PDE6B: variants seen among roughly 807,000 people sequenced by gnomAD.
PDE6B encodes rod cGMP-specific 3',5'-cyclic phosphodiesterase subunit beta.
Under a neutral mutation model 109.0 loss-of-function variants are expected in PDE6B, and 106 were observed. The observed-to-expected ratio is 0.97, with a 90% CI of 0.83 to 1.14. The LOEUF (loss-of-function observed/expected upper bound fraction) is 1.14, where lower values mean the gene tolerates loss of function less well. PDE6B is among the 50% of genes most tolerant of loss of function. PDE6B has a pLI of 0.00. For missense variants in PDE6B, 1,193 were observed against 1,155.6 expected (o/e 1.03, Z -0.47); for synonymous variants, 490 against 471.3 (o/e 1.04, Z -0.51).
chr4:663,814 C>T lies in PDE6B; in HGVS notation c.1965C>T (p.His655=), dbSNP rs2109262734. The T allele has an allele frequency of 3.7e-6, 6 of 1,612,298 alleles. No individual in the cohort carries two copies. Among genetic ancestry groups the T allele is most frequent in the South Asian group, 1.1e-5 (1 of 91,080 alleles). Residue 655 remains histidine (H), a synonymous_variant, in exon 16 of 22, where the codon CAC becomes CAT. Transcript: ENST00000496514. This position sits in a 1 kb window ranked among gnomAD's most constrained non-coding sequence, Gnocchi z 4.0. ...ACCTGAACCGGCGGCAGCACGAGCA[C>T]GTGATCCACCTGATGGACATCGCCA... ...YQNLNRRQHE[H]VIHLMDIAII...
At position 626,146 on chromosome 4, in the gene PDE6B, G is replaced by A; in HGVS notation, c.468+52G>A. On this transcript the variant is annotated intron_variant, in intron 1 of 21. Coordinates refer to ENST00000496514, the MANE Select transcript of PDE6B (RefSeq NM_000283.4). This position sits in a 1 kb window ranked among gnomAD's most constrained non-coding sequence, Gnocchi z 4.6. Reference sequence around the variant, plus strand: ...GCGGCTGTGTGCATCTCTTGCACCTGTCCCAGGTGTCTAAGGGTCAGCTCG... The same window carrying A: ...GCGGCTGTGTGCATCTCTTGCACCTATCCCAGGTGTCTAAGGGTCAGCTCG... The A allele has an allele frequency of 9.0e-7, 1 of 1,106,438 alleles. No homozygotes were observed. Among genetic ancestry groups the A allele is most frequent in the Non-Finnish European group, 1.3e-6 (1 of 747,798 alleles). The allele number at this position is 1,106,438 out of a possible 1,614,324, so 68.5% of individuals were successfully genotyped here.
At chr4:638,670 T>C (rs1191884553) in intron 3 of PDE6B, among the ~76,000 whole-genome samples, 3 of 152,212 alleles carry the variant, frequency 2.0e-5, no homozygotes, top group Non-Finnish European at 4.4e-5. Flanking sequence ...CAGATATGTT[T>C]GCTTTGAGAG....
chr4:663,668 G>A lies in PDE6B; in HGVS notation c.1921-102G>A. 1 of 823,012 alleles carries A rather than the reference G, an allele frequency of 1.2e-6. No individual in the cohort carries two copies. The highest frequency in any genetic ancestry group is 2.0e-5 in the Admixed American group (1 of 51,142). The allele number at this position is 823,012 out of a possible 1,614,324, so 51.0% of individuals were successfully genotyped here. A position where few individuals can be genotyped will look rare whatever the true frequency, so the allele number is the denominator to read the frequency against. The stretch of plus-strand genomic sequence containing the variant: ...CCGCCCACCGAGGGCCCGAGGGCGG[G>A]GGCGTGAGAGGCACAGGCAGCCGAG... On this transcript the variant is annotated intron_variant, in intron 15 of 21. Transcript: ENST00000496514. The surrounding 1 kb of genome is among the most constrained non-coding windows in gnomAD (Gnocchi z 4.0).
At chr4:668,030 G>C in intron 21 of PDE6B, 24 bp downstream of exon 21, 4 of 1,605,760 alleles carry the variant, frequency 2.5e-6, no homozygotes, top group Non-Finnish European at 3.4e-6. Flanking sequence ...TGGCCTGTGG[G>C]GCAGGGACTC....
At chr4:639,334 G>T (rs950754876) in intron 3 of PDE6B, among the ~76,000 whole-genome samples, 1 of 151,940 alleles carries the variant, frequency 6.6e-6, no homozygotes, top group African/African-American at 2.4e-5. Context: ...TAGAGACAGG[G>T]TCTTGCTGTG....
chr4:629,721 C>T (rs1306038731), intron 1 of PDE6B, among the ~76,000 whole-genome samples: 1 of 152,066 alleles, frequency 6.6e-6, no homozygotes, highest in Non-Finnish European at 1.5e-5. Flanking sequence ...GGTGGGAATC[C>T]GGAGATAGAG....
At chr4:667,723 GC>G (rs1737957260) in intron 20 of PDE6B, 132 bp from the exon 21 acceptor site, 1 of 906,264 alleles carries the variant, frequency 1.1e-6, no homozygotes. Context: ...CTGGGAAGGT[GC>G]CCCCTCCGTG....
At position 625,813 on chromosome 4, in the gene PDE6B, G is replaced by A; in HGVS notation, c.187G>A (p.Val63Met). Residue 63 changes from valine (V) to methionine (M), a missense_variant, in exon 1 of 22, where the codon GTG becomes ATG. Coordinates refer to ENST00000496514, the MANE Select transcript of PDE6B (RefSeq NM_000283.4). This position sits in a 1 kb window ranked among gnomAD's most constrained non-coding sequence, Gnocchi z 5.0. ...VEESTALLEL[V>M]QDMQESINME... ...GGAGAGCACGGCGCTGCTGGAGCTG[G>A]TGCAGGATATGCAGGAGAGCATCAA... is the stretch of plus-strand genomic sequence containing the variant. 6.2e-7 allele frequency: 1 copy of A among 1,613,276 alleles called. No homozygotes were observed. The highest frequency in any genetic ancestry group is 1.3e-5 in the African/African-American group (1 of 75,062).
intron 6 of PDE6B, chr4:655,168 C>T: frequency 3.8e-6 from 2 of 527,858 alleles, no homozygotes; most frequent in Admixed American, 3.2e-5. Flanking sequence ...GGGGACCAGG[C>T]AAGCTGTCCA....
intron 3 of PDE6B, among the ~76,000 whole-genome samples, chr4:639,040 A>G (rs1255161211): frequency 6.6e-6 from 1 of 152,176 alleles, no homozygotes; most frequent in East Asian, 1.9e-4. Context: ...TGGAAGCACA[A>G]ATTCAGTCCA....
chr4:657,253 C>T, intron 9 of PDE6B, 98 bp from the exon 10 acceptor site: 1 of 1,428,702 alleles, frequency 7.0e-7, no homozygotes, highest in South Asian at 1.2e-5. Flanking sequence ...GTGGCAGCCC[C>T]AGGACCTGCC....
At chr4:634,415 T>A (rs886101863) in intron 1 of PDE6B, among the ~76,000 whole-genome samples, 1 of 152,128 alleles carries the variant, frequency 6.6e-6, no homozygotes, top group Non-Finnish European at 1.5e-5. Flanking sequence ...GGGCCCCCCA[T>A]GAGGCCTGTC....
At position 659,438 on chromosome 4, in the gene PDE6B, C is replaced by T. The variant is rs533264545; in HGVS notation, c.1467+421C>T. On this transcript the variant is annotated intron_variant, in intron 11 of 21. Transcript: ENST00000496514. ...GTGTGTGTGCATCCGCATGTGTGCA[C>T]GCACATGGGTGTCTGTGTGCATGTG... Among the ~76,000 whole-genome samples, 23 of 152,286 alleles carry T rather than the reference C, an allele frequency of 1.5e-4. 1 individual carries two copies. The highest frequency in any genetic ancestry group is 3.6e-4 in the African/African-American group (15 of 41,554).
chr4:666,075 G>C lies in PDE6B; in HGVS notation c.2269-456G>C, dbSNP rs1485302225. 1.3e-5 allele frequency among the ~76,000 whole-genome samples: 2 copies of C among 152,172 alleles called. No individual in the cohort carries two copies. The highest frequency in any genetic ancestry group is 3.8e-4 in the East Asian group (2 of 5,198). ...TCCACCAGGACGCTGTGAGGGGACGGACAGCCCAGGGCACTCGGGGTCTGA... is the reference window on the plus strand; with the variant it reads ...TCCACCAGGACGCTGTGAGGGGACGCACAGCCCAGGGCACTCGGGGTCTGA... On this transcript the variant is annotated intron_variant, in intron 19 of 21. Transcript: ENST00000496514. This position sits in a 1 kb window ranked among gnomAD's most constrained non-coding sequence, Gnocchi z 5.6.
At position 662,397 on chromosome 4, in the gene PDE6B, G is replaced by A; in HGVS notation, c.1723-112G>A. 1.2e-6 allele frequency: 1 copy of A among 851,154 alleles called. No homozygotes were observed. Among genetic ancestry groups the A allele is most frequent in the Non-Finnish European group, 2.0e-6 (1 of 505,286 alleles). The allele number at this position is 851,154 out of a possible 1,614,324, so 52.7% of individuals were successfully genotyped here. ...ACCGTGCACCGCGCACCCCAGCCCT[G>A]CGGTGGTCGGAGGTCCAACCTCCAA... On this transcript the variant is annotated intron_variant, in intron 13 of 21. Transcript: ENST00000496514. The surrounding 1 kb of genome is among the most constrained non-coding windows in gnomAD (Gnocchi z 4.3).
At chr4:659,586 CATGTGGGTATGTGTGTGCGT>C (rs1267001620) in intron 11 of PDE6B, among the ~76,000 whole-genome samples, 4 of 150,342 alleles carry the variant, frequency 2.7e-5, no homozygotes, top group African/African-American at 9.9e-5. Flanking sequence ...TGTGTGTGCA[CATGTGGGTATGTGTGTGCGT>C]GTGTGCATTG....
rs754566983 is a variant in PDE6B, at chr4:663,226, G to C, written c.1920+39G>C. On this transcript the variant is annotated intron_variant, in intron 15 of 21. Coordinates refer to ENST00000496514, the MANE Select transcript of PDE6B (RefSeq NM_000283.4). The surrounding 1 kb of genome is among the most constrained non-coding windows in gnomAD (Gnocchi z 4.0). The stretch of plus-strand genomic sequence containing the variant: ...CCCTCGGTTTCTGCTGTGGGCGCTG[G>C]GGACGCAGCGTCCGCAGGACGGCAG... The C allele has an allele frequency of 1.8e-6, 2 of 1,128,286 alleles. No homozygotes were observed. The highest frequency in any genetic ancestry group is 1.7e-5 in the Admixed American group (1 of 59,420). The allele number at this position is 1,128,286 out of a possible 1,614,324, so 69.9% of individuals were successfully genotyped here.
At position 663,999 on chromosome 4, in the gene PDE6B, C is replaced by G; in HGVS notation, c.2022-115C>G. 9.0e-7 allele frequency: 1 copy of G among 1,114,470 alleles called. No homozygotes were observed. Among genetic ancestry groups the G allele is most frequent in the Non-Finnish European group, 1.4e-6 (1 of 731,568 alleles). 69.0% of individuals were successfully genotyped at this position (1,114,470 alleles called of 1,614,324 possible). A position where few individuals can be genotyped will look rare whatever the true frequency, so the allele number is the denominator to read the frequency against. Reference sequence around the variant, plus strand: ...CCGGATTCCGTCCCTGCCCGCCGGCCCCGCGCACCCCGGATGGGGCCTCGC... The same window carrying G: ...CCGGATTCCGTCCCTGCCCGCCGGCGCCGCGCACCCCGGATGGGGCCTCGC... On this transcript the variant is annotated intron_variant, in intron 16 of 21. Coordinates refer to ENST00000496514, the MANE Select transcript of PDE6B (RefSeq NM_000283.4). This position sits in a 1 kb window ranked among gnomAD's most constrained non-coding sequence, Gnocchi z 4.0.
Position 663,888 on chromosome 4 carries a change from G to T in PDE6B, c.2021+18G>T. The T allele has an allele frequency of 6.3e-7, 1 of 1,577,204 alleles. No individual in the cohort carries two copies. The highest frequency in any genetic ancestry group is 8.7e-7 in the Non-Finnish European group (1 of 1,153,550). On this transcript the variant is annotated intron_variant, in intron 16 of 21. Coordinates refer to ENST00000496514, the MANE Select transcript of PDE6B (RefSeq NM_000283.4). This position sits in a 1 kb window ranked among gnomAD's most constrained non-coding sequence, Gnocchi z 4.0. ...TACTTCAAGTGCGCGCCTTCCGGGA[G>T]GGGGCGCCTCGCGGGGCGGGCGGGT...
Sources: gnomAD v4.1 joint callset for allele counts (sites outside exome capture counted in the v4.1 genomes callset) on GRCh38, gnomAD v4.1.1 for gene constraint, Gnocchi (gnomAD v3.1) non-coding constraint, MANE v1.5 for transcripts, NCBI Gene and HGNC (gene_info 2026-07-23, HGNC 2026-07-21) for gene names.